Variants in FAM120A observed in about 807,000 individuals in gnomAD.
FAM120A encodes family with sequence similarity 120 member A.
In FAM120A, 15 loss-of-function variants were observed where a neutral mutation model predicts 109.7. The ratio of observed to expected loss-of-function variants is 0.14; its 90% CI spans 0.09 to 0.21. The LOEUF is 0.21. FAM120A is among the 10% of genes least tolerant of loss of function. The pLI, the probability that FAM120A is intolerant of heterozygous loss-of-function variation, is 1.00. For missense variants in FAM120A, 899 were observed against 1,439.3 expected, an observed-to-expected ratio of 0.62 and a Z score of 6.07; for synonymous variants, 493 against 572.8, an observed-to-expected ratio of 0.86 and a Z score of 1.99.
intron 1 of FAM120A, among the ~76,000 whole-genome samples, chr9:93,457,986 T>G (rs1857625820): frequency 6.6e-6 from 1 of 152,200 alleles, no homozygotes; most frequent in Non-Finnish European, 1.5e-5. Context: ...ATTATATACT[T>G]CTCAATATTA....
At chr9:93,465,184 A>C (rs1348662290) in intron 1 of FAM120A, among the ~76,000 whole-genome samples, 1 of 152,194 alleles carries the variant, frequency 6.6e-6, no homozygotes, top group Non-Finnish European at 1.5e-5. Context: ...TTTTGATGCA[A>C]CCCAGAATCT....
intron 11 of FAM120A, among the ~76,000 whole-genome samples, chr9:93,546,194 G>C (rs1323126676): frequency 1.3e-5 from 2 of 152,138 alleles, no homozygotes; most frequent in Non-Finnish European, 2.9e-5. Context: ...GAAAGTTTAA[G>C]ACTTTGGATT....
chr9:93,564,095 C>T, intron 17 of FAM120A, 134 bp from the exon 18 acceptor site: 1 of 833,448 alleles, frequency 1.2e-6, no homozygotes, highest in Non-Finnish European at 1.9e-6. Context: ...AAAGCAAAGA[C>T]AGGGTTAGAA....
chr9:93,513,101 A>G (rs1054021391), intron 5 of FAM120A, among the ~76,000 whole-genome samples: 1 of 152,262 alleles, frequency 6.6e-6, no homozygotes, highest in African/African-American at 2.4e-5. Context: ...GAGGTCAGCC[A>G]CAAGATATTA....
chr9:93,465,693 G>A (rs994377305), intron 1 of FAM120A, among the ~76,000 whole-genome samples: 4 of 152,116 alleles, frequency 2.6e-5, no homozygotes, highest in African/African-American at 9.7e-5. Context: ...CTGCTAGCTG[G>A]CACAGTGATC....
intron 8 of FAM120A, among the ~76,000 whole-genome samples, chr9:93,529,111 C>G (rs748595032): frequency 1.3e-5 from 2 of 152,198 alleles, no homozygotes; most frequent in African/African-American, 2.4e-5. Flanking sequence ...AACAGGCCCG[C>G]TCTCCTGTGG....
intron 11 of FAM120A, among the ~76,000 whole-genome samples, chr9:93,545,189 G>T (rs1226672206): frequency 2.6e-5 from 4 of 152,152 alleles, no homozygotes; most frequent in Non-Finnish European, 5.9e-5. Flanking sequence ...TTCCAAGTGG[G>T]GGATGGCATT....
At chr9:93,536,981 C>T (rs1347885926) in intron 10 of FAM120A, among the ~76,000 whole-genome samples, 2 of 152,234 alleles carry the variant, frequency 1.3e-5, no homozygotes, top group Non-Finnish European at 2.9e-5. Context: ...CAGGGGCATG[C>T]AGATTCCTGC....
chr9:93,550,026 C>T (rs961769753), intron 11 of FAM120A, among the ~76,000 whole-genome samples: 1 of 152,134 alleles, frequency 6.6e-6, no homozygotes, highest in East Asian at 1.9e-4. Flanking sequence ...CACATTTTGC[C>T]GTGGCTCTAG....
At position 93,492,566 on chromosome 9, in the gene FAM120A, C is replaced by T. The variant is rs574124758; in HGVS notation, c.805-4905C>T. Among the ~76,000 whole-genome samples the T allele has an allele frequency of 7.2e-5, 11 of 152,200 alleles. No homozygotes were observed. The South Asian group carries it at 1.7e-3, about 23-fold the overall frequency. On this transcript the variant is annotated intron_variant, in intron 3 of 17. Coordinates refer to ENST00000277165, the MANE Select transcript of FAM120A (RefSeq NM_014612.5). The stretch of plus-strand genomic sequence containing the variant: ...TCCTGACCCTAAGGATTAAAGAAGA[C>T]GTCAGGGAGCTCATCCCGGACTGGA...
At chr9:93,509,444 G>A (rs1201997599) in intron 5 of FAM120A, among the ~76,000 whole-genome samples, 1 of 152,240 alleles carries the variant, frequency 6.6e-6, no homozygotes, top group East Asian at 1.9e-4. Context: ...GAGATGGTCT[G>A]GTACTCTGCA....
At position 93,498,917 on chromosome 9, in the gene FAM120A, G is replaced by T; in HGVS notation, c.1030+31G>T. On this transcript the variant is annotated intron_variant, in intron 5 of 17. Coordinates refer to ENST00000277165, the MANE Select transcript of FAM120A (RefSeq NM_014612.5). The surrounding 1 kb of genome is among the most constrained non-coding windows in gnomAD (Gnocchi z 4.4). The stretch of plus-strand genomic sequence containing the variant: ...TAAATAAAAGCCTGTGATCAATATT[G>T]ACCATATGATAATCCAAGTAGGTTT... 2 of 1,215,604 alleles carry T rather than the reference G, an allele frequency of 1.6e-6. No homozygotes were observed. Among genetic ancestry groups the T allele is most frequent in the South Asian group, 2.4e-5 (2 of 82,440 alleles). The allele number at this position is 1,215,604 out of a possible 1,614,324, so 75.3% of individuals were successfully genotyped here.
In FAM120A at chr9:93,452,423, G is replaced by C. The variant is rs1391593993; in HGVS notation, c.474+34G>C. ...GGGGATCCGGGCGGGCCGGGGACCG[G>C]GGCCGCGCCGCACCCCTATCCCCCT... On this transcript the variant is annotated intron_variant, in intron 1 of 17. Transcript: ENST00000277165. This position sits in a 1 kb window ranked among gnomAD's most constrained non-coding sequence, Gnocchi z 7.0. 6.3e-7 allele frequency: 1 copy of C among 1,575,532 alleles called. No homozygotes were observed. The highest frequency in any genetic ancestry group is 2.3e-5 in the East Asian group (1 of 42,938).
At chr9:93,560,538 T>C (rs998860817) in intron 15 of FAM120A, among the ~76,000 whole-genome samples, 2 of 152,208 alleles carry the variant, frequency 1.3e-5, no homozygotes, top group African/African-American at 4.8e-5. Flanking sequence ...GGCTCTGGTT[T>C]TGTTTGCTTA....
chr9:93,516,099 C>G lies in FAM120A; in HGVS notation c.1248C>G (p.Asn416Lys). 6.2e-7 allele frequency: 1 copy of G among 1,613,414 alleles called. No individual in the cohort carries two copies. Among genetic ancestry groups the G allele is most frequent in the Admixed American group, 1.7e-5 (1 of 59,948 alleles). ...GCGGGAAGAATCTGACGGAGCAGAA[C>G]AGCTACAGCAACATTCCTCACGAAG... ...DTSGKNLTEQNSYSNIPHEGK... is the reference protein window; with the variant it reads ...DTSGKNLTEQKSYSNIPHEGK... The change falls in exon 7 of 18, where the codon AAC becomes AAG. Residue 416 changes from asparagine (N) to lysine (K), a missense_variant. Physicochemically the swap from Asn to Lys is moderately conservative, Grantham distance 94. This residue lies in a region of FAM120A where 30 missense variants were observed against 32.5 expected (regional missense o/e 0.92). Transcript: ENST00000277165.
rs763625645 is a variant in FAM120A, at chr9:93,532,167, A to G, written c.1747A>G (p.Ile583Val). Residue 583 changes from isoleucine (I) to valine (V), a missense_variant, in exon 10 of 18, where the codon ATT becomes GTT. By Grantham distance (29) the Ile-to-Val change is conservative. This residue lies in a region of FAM120A where 133 missense variants were observed against 276.6 expected (regional missense o/e 0.48). Coordinates refer to ENST00000277165, the MANE Select transcript of FAM120A (RefSeq NM_014612.5). This position sits in a 1 kb window ranked among gnomAD's most constrained non-coding sequence, Gnocchi z 4.3. ...FHVLTKGEIKIAVSIEDEANK... is the reference protein window; with the variant it reads ...FHVLTKGEIKVAVSIEDEANK... ...CTTCCATGCAAAGGGTGAAATCAAA[A>G]TTGCTGTTTCTATTGAAGATGAAGC... 1 of 1,613,846 alleles carries G rather than the reference A, an allele frequency of 6.2e-7. No homozygotes were observed. The highest frequency in any genetic ancestry group is 8.5e-7 in the Non-Finnish European group (1 of 1,179,854).
intron 1 of FAM120A, among the ~76,000 whole-genome samples, chr9:93,455,182 G>T (rs981293966): frequency 2.0e-5 from 3 of 152,222 alleles, no homozygotes; most frequent in Middle Eastern, 3.2e-3. Flanking sequence ...CCATACTATG[G>T]AATACTACTT....
intron 11 of FAM120A, among the ~76,000 whole-genome samples, chr9:93,544,961 A>T (rs1174658558): frequency 2.0e-5 from 3 of 152,224 alleles, no homozygotes; most frequent in Non-Finnish European, 4.4e-5. Flanking sequence ...TCAGACAGGC[A>T]GCACGTTTTT....
At chr9:93,558,769 G>T (rs764193857) in intron 15 of FAM120A, 51 bp downstream of exon 15, 25 of 1,598,326 alleles carry the variant, frequency 1.6e-5, no homozygotes, top group Non-Finnish European at 2.1e-5. Flanking sequence ...CACTTCCTTC[G>T]CTCCATCGTC....
Sources: allele counts gnomAD v4.1 joint callset (sites outside exome capture counted in the v4.1 genomes callset), GRCh38; gene constraint gnomAD v4.1.1; regional missense constraint gnomAD v4.1.1; non-coding constraint Gnocchi (gnomAD v3.1); transcripts MANE v1.5; gene names NCBI Gene and HGNC (gene_info 2026-07-23, HGNC 2026-07-21).